The following RAP1A variants were observed in gnomAD, a reference collection of about 807,000 sequenced individuals.
RAP1A encodes ras-related protein Rap-1A.
A neutral mutation model predicts 26.4 loss-of-function variants in RAP1A; 6 were observed. The ratio of observed to expected loss-of-function variants is 0.23; its 90% CI spans 0.12 to 0.45. The LOEUF (loss-of-function observed/expected upper bound fraction) is 0.45, where lower values mean the gene tolerates loss of function less well. Ranked by LOEUF, RAP1A falls within the 20% of genes least tolerant of loss-of-function variation. The pLI, the probability that RAP1A is intolerant of heterozygous loss-of-function variation, is 0.99. For synonymous variants in RAP1A, 73 were observed against 79.4 expected (o/e 0.92, Z 0.43); for missense variants, 121 against 217.2 (o/e 0.56, Z 2.78).
intron 1 of RAP1A, among the ~76,000 whole-genome samples, chr1:111,611,226 A>G (rs368625140): frequency 6.6e-6 from 1 of 152,342 alleles, no homozygotes; most frequent in East Asian, 1.9e-4. Flanking sequence ...ATATTTTGTA[A>G]AAGTTTGCCC....
At chr1:111,664,634 T>G (rs1442804730) in intron 1 of RAP1A, among the ~76,000 whole-genome samples, 1 of 152,184 alleles carries the variant, frequency 6.6e-6, no homozygotes, top group Non-Finnish European at 1.5e-5. Flanking sequence ...AAAAATCTCT[T>G]TTCTTTCCAT....
intron 1 of RAP1A, among the ~76,000 whole-genome samples, chr1:111,655,296 G>C (rs1003493886): frequency 6.7e-6 from 1 of 149,918 alleles, no homozygotes; most frequent in African/African-American, 2.5e-5. Context: ...ATTAACTTGA[G>C]CGTGATAAAC....
chr1:111,694,530 G>A (rs1249354281), intron 2 of RAP1A, among the ~76,000 whole-genome samples: 2 of 152,132 alleles, frequency 1.3e-5, no homozygotes, highest in Non-Finnish European at 2.9e-5. Flanking sequence ...CTTACTGAAT[G>A]ATAAATACGT....
intron 3 of RAP1A, among the ~76,000 whole-genome samples, chr1:111,696,718 C>G (rs893614537): frequency 6.6e-6 from 1 of 152,138 alleles, no homozygotes; most frequent in African/African-American, 2.4e-5. Flanking sequence ...TTTTCTTAAT[C>G]CCTTCTTTAT....
intron 1 of RAP1A, among the ~76,000 whole-genome samples, chr1:111,624,981 A>G (rs1215008294): frequency 1.3e-5 from 2 of 152,192 alleles, no homozygotes; most frequent in African/African-American, 4.8e-5. Context: ...TCTTACCTCT[A>G]ACCTATTTAG....
upstream of RAP1A, among the ~76,000 whole-genome samples, chr1:111,618,380 A>G (rs181803418): frequency 3.3e-5 from 5 of 152,234 alleles, no homozygotes; most frequent in Admixed American, 3.3e-4. Context: ...TGAAACAATT[A>G]TCTTGTTTTC....
intron 1 of RAP1A, among the ~76,000 whole-genome samples, chr1:111,669,929 G>T (rs1306117198): frequency 6.6e-6 from 1 of 152,140 alleles, no homozygotes; most frequent in Non-Finnish European, 1.5e-5. Context: ...CTGCAATTAG[G>T]CTAGCAGCTG....
chr1:111,565,122 A>G (rs1657889260), intron 1 of RAP1A, among the ~76,000 whole-genome samples: 1 of 152,148 alleles, frequency 6.6e-6, no homozygotes, highest in Non-Finnish European at 1.5e-5. Flanking sequence ...AGGCACAGAG[A>G]ACATAATGCA....
Position 111,716,185 on chromosome 1 carries a change from C to T in RAP1A, c.*3784C>T, listed in dbSNP as rs768893727. 8 of 152,132 alleles carry T rather than the reference C, an allele frequency of 5.3e-5. No individual in the cohort carries two copies. The highest frequency in any genetic ancestry group is 8.8e-5 in the Non-Finnish European group (6 of 68,008). The allele number at this position is 152,132 out of a possible 1,614,324, so 9.4% of individuals were successfully genotyped here. A position where few individuals can be genotyped will look rare whatever the true frequency, so the allele number is the denominator to read the frequency against. On this transcript the variant is annotated 3_prime_UTR_variant, in exon 8 of 8. Transcript: ENST00000369709. ...TGAATCAGCTCCAGGCTTAAAAGGG[C>T]AGAGTGGTTTGGATTCTTGTCCAGG...
At chr1:111,569,769 T>C (rs780312642) in intron 1 of RAP1A, among the ~76,000 whole-genome samples, 1 of 152,160 alleles carries the variant, frequency 6.6e-6, no homozygotes, top group African/African-American at 2.4e-5. Context: ...AGATAGTGTT[T>C]GGTATACATG....
intron 1 of RAP1A, among the ~76,000 whole-genome samples, chr1:111,603,942 C>T (rs1658721287): frequency 1.3e-5 from 2 of 152,212 alleles, no homozygotes. Context: ...AGACATTTTG[C>T]TCCTGGGCCA....
At position 111,691,364 on chromosome 1, in the gene RAP1A, C is replaced by A; in HGVS notation, c.4C>A (p.Arg2Ser). 1 of 1,613,062 alleles carries A rather than the reference C, an allele frequency of 6.2e-7. No individual in the cohort carries two copies. Among genetic ancestry groups the A allele is most frequent in the South Asian group, 1.1e-5 (1 of 91,038 alleles). The change falls in exon 2 of 8, where the codon CGT becomes AGT. Residue 2 changes from arginine (R) to serine (S), a missense_variant. Physicochemically the swap from Arg to Ser is moderately radical, Grantham distance 110. Coordinates refer to ENST00000369709, the MANE Select transcript of RAP1A (RefSeq NM_002884.4). ...CAGTATTTAAACAGATCACATCATGCGTGAGTACAAGCTAGTGGTCCTTGG... is the reference window on the plus strand; with the variant it reads ...CAGTATTTAAACAGATCACATCATGAGTGAGTACAAGCTAGTGGTCCTTGG... The part of the protein sequence containing the change: M[R>S]EYKLVVLGSG...
intron 1 of RAP1A, among the ~76,000 whole-genome samples, chr1:111,691,023 T>C (rs2101244357): frequency 6.6e-6 from 1 of 152,350 alleles, no homozygotes; most frequent in East Asian, 1.9e-4. Flanking sequence ...AAGAATTGGG[T>C]TTATCATTGT....
intron 1 of RAP1A, among the ~76,000 whole-genome samples, chr1:111,575,845 T>C (rs1442795161): frequency 6.6e-6 from 1 of 152,196 alleles, no homozygotes; most frequent in Non-Finnish European, 1.5e-5. Flanking sequence ...CTTATCAAAC[T>C]AATACAATAG....
chr1:111,664,229 C>T (rs554296066), intron 1 of RAP1A, among the ~76,000 whole-genome samples: 12 of 152,110 alleles, frequency 7.9e-5, no homozygotes, highest in African/African-American at 2.9e-4. Context: ...AAAAAATTAT[C>T]CGGGCATGGT....
At chr1:111,545,362 T>C (rs1656998639) in intron 1 of RAP1A, among the ~76,000 whole-genome samples, 1 of 152,148 alleles carries the variant, frequency 6.6e-6, no homozygotes, top group South Asian at 2.1e-4. Context: ...TTTGCATTTG[T>C]GTAATGACTA....
intron 1 of RAP1A, among the ~76,000 whole-genome samples, chr1:111,562,355 C>G (rs900253371): frequency 2.6e-5 from 4 of 152,114 alleles, no homozygotes; most frequent in Admixed American, 1.3e-4. Flanking sequence ...TCTTTGACCC[C>G]TAGAACCTGT....
intron 1 of RAP1A, among the ~76,000 whole-genome samples, chr1:111,566,194 G>A (rs1253805383): frequency 1.3e-5 from 2 of 152,158 alleles, no homozygotes; most frequent in African/African-American, 4.8e-5. Flanking sequence ...GGTCATTCTG[G>A]CTATCATGTG....
intron 1 of RAP1A, among the ~76,000 whole-genome samples, chr1:111,666,931 A>AATAGTGATATGGAGCAAG (rs1553222742): frequency 2.2e-4 from 33 of 151,724 alleles, no homozygotes; most frequent in Non-Finnish European, 4.1e-4. Context: ...ATAGAGAGTA[A>AATAGTGATATGGAGCAAG]ATAGGGATAT....
Sources: gnomAD v4.1 joint callset for allele counts (sites outside exome capture counted in the v4.1 genomes callset) on GRCh38, gnomAD v4.1.1 for gene constraint, MANE v1.5 for transcripts, NCBI Gene and HGNC (gene_info 2026-07-23, HGNC 2026-07-21) for gene names.